The following FOS variants were observed in gnomAD, a reference collection of about 807,000 sequenced individuals.
The protein encoded by FOS is protein c-Fos.
In FOS, 9 loss-of-function variants were observed where a neutral mutation model predicts 27.2. The observed-to-expected ratio is 0.33, with a 90% CI of 0.20 to 0.58. FOS has a LOEUF of 0.58. FOS is among the 20% of genes least tolerant of loss of function. The probability of loss-of-function intolerance (pLI) is 0.87; values close to 1 mark genes in which losing one functional copy is unlikely to be tolerated. For missense variants in FOS, 405 were observed against 483.5 expected, an observed-to-expected ratio of 0.84 and a Z score of 1.52; for synonymous variants, 213 against 205.1, an observed-to-expected ratio of 1.04 and a Z score of -0.33.
chr14:75,279,067 T>C lies in FOS; in HGVS notation c.85T>C (p.Tyr29His), dbSNP rs1297123496. The change falls in exon 1 of 4, where the codon TAC becomes CAC. Residue 29 changes from tyrosine to histidine, a missense_variant. Physicochemically the swap from Tyr to His is moderately conservative, Grantham distance 83. Transcript: ENST00000303562. The surrounding 1 kb of genome is among the most constrained non-coding windows in gnomAD (Gnocchi z 5.4). ...SASPAGDSLS[Y>H]YHSPADSFSS... is the part of the protein sequence containing the mutation. ...GTCCCCGGCCGGGGATAGCCTCTCT[T>C]ACTACCACTCACCCGCAGACTCCTT... is the stretch of plus-strand genomic sequence containing the variant. The C allele has an allele frequency of 5.0e-6, 8 of 1,613,682 alleles. No individual in the cohort carries two copies. The highest frequency in any genetic ancestry group is 6.8e-6 in the Non-Finnish European group (8 of 1,179,910).
intron 2 of FOS, 192 bp downstream of exon 2, chr14:75,280,320 T>A (rs927535848): frequency 5.4e-5 from 41 of 753,504 alleles, no homozygotes; most frequent in Non-Finnish European, 9.0e-5. Flanking sequence ...AGTACTCTCA[T>A]AGTTTCTTCC....
Position 75,281,030 on chromosome 14 carries a change from A to G in FOS, c.749A>G (p.Lys250Arg). ...CCTCTCCTCAATGACCCTGAGCCCA[A>G]GCCCTCAGTGGAACCTGTCAAGAGC... is the stretch of plus-strand genomic sequence containing the variant. ...TLPLLNDPEP[K>R]PSVEPVKSIS... The change falls in exon 4 of 4, where the codon AAG becomes AGG. Residue 250 changes from lysine to arginine, a missense_variant. By Grantham distance (26) the Lys-to-Arg change is conservative. Transcript: ENST00000303562. The surrounding 1 kb of genome is among the most constrained non-coding windows in gnomAD (Gnocchi z 4.7). 1.2e-6 allele frequency: 2 copies of G among 1,613,848 alleles called. No homozygotes were observed. The highest frequency in any genetic ancestry group is 8.5e-7 in the Non-Finnish European group (1 of 1,180,022).
rs1252945968 is a variant in FOS at position 75,279,623 on chromosome 14, A to T, written c.142-254A>T. 1 of 547,220 alleles carries T rather than the reference A, an allele frequency of 1.8e-6. No homozygotes were observed. 33.9% of individuals were successfully genotyped at this position (547,220 alleles called of 1,614,324 possible). ...CGCAGACGTCAGGGATATTTATAAC[A>T]AACCCCCTTTCAAGCAAGTGATGCT... On this transcript the variant is annotated intron_variant, in intron 1 of 3. Transcript: ENST00000303562. This position sits in a 1 kb window ranked among gnomAD's most constrained non-coding sequence, Gnocchi z 5.4.
chr14:75,279,159 C>T lies in FOS; in HGVS notation c.141+36C>T, dbSNP rs773448105. 2 of 1,608,640 alleles carry T rather than the reference C, an allele frequency of 1.2e-6. No homozygotes were observed. Among genetic ancestry groups the T allele is most frequent in the South Asian group, 1.1e-5 (1 of 91,058 alleles). On this transcript the variant is annotated intron_variant, in intron 1 of 3. Coordinates refer to ENST00000303562, the MANE Select transcript of FOS (RefSeq NM_005252.4). This position sits in a 1 kb window ranked among gnomAD's most constrained non-coding sequence, Gnocchi z 5.4. ...CTTCCCGTCGCCGCGGGGCCGGGGG[C>T]TTGGGGTCGCGGAGGAGGAGACACC...
intron 2 of FOS, 115 bp downstream of exon 2, chr14:75,280,243 C>G (rs748692691): frequency 6.0e-5 from 86 of 1,422,862 alleles, no homozygotes; most frequent in Non-Finnish European, 8.0e-5. Context: ...GGCTGCACAT[C>G]CGTAACTGGG....
Position 75,279,617 on chromosome 14 carries a change from T to G in FOS, c.142-260T>G. 1.8e-6 allele frequency: 1 copy of G among 541,514 alleles called. No homozygotes were observed. The highest frequency in any genetic ancestry group is 3.3e-6 in the Non-Finnish European group (1 of 305,492). 33.5% of individuals were successfully genotyped at this position (541,514 alleles called of 1,614,324 possible). A position where few individuals can be genotyped will look rare whatever the true frequency, so the allele number is the denominator to read the frequency against. On this transcript the variant is annotated intron_variant, in intron 1 of 3. Transcript: ENST00000303562. This position sits in a 1 kb window ranked among gnomAD's most constrained non-coding sequence, Gnocchi z 5.4. ...CGTCAGCGCAGACGTCAGGGATATT[T>G]ATAACAAACCCCCTTTCAAGCAAGT...
chr14:75,279,745 A>G lies in FOS; in HGVS notation c.142-132A>G. On this transcript the variant is annotated intron_variant, in intron 1 of 3. Coordinates refer to ENST00000303562, the MANE Select transcript of FOS (RefSeq NM_005252.4). This position sits in a 1 kb window ranked among gnomAD's most constrained non-coding sequence, Gnocchi z 5.4. ...AGGGGGAGACCTTTCATCCAGGATG[A>G]GGGACATTTAAGATGAAATGTCCGT... is the stretch of plus-strand genomic sequence containing the variant. 9.4e-7 allele frequency: 1 copy of G among 1,064,212 alleles called. No individual in the cohort carries two copies. The highest frequency in any genetic ancestry group is 1.4e-6 in the Non-Finnish European group (1 of 729,140). 65.9% of individuals were successfully genotyped at this position (1,064,212 alleles called of 1,614,324 possible). A position where few individuals can be genotyped will look rare whatever the true frequency, so the allele number is the denominator to read the frequency against.
In FOS at chr14:75,279,434, G is replaced by C. The variant is rs964438349; in HGVS notation, c.141+311G>C. On this transcript the variant is annotated intron_variant, in intron 1 of 3. Transcript: ENST00000303562. The surrounding 1 kb of genome is among the most constrained non-coding windows in gnomAD (Gnocchi z 5.4). ...AGCACAAACTCGCTAACTAGAGCCTGGCTTCTCCGGGGAGGTGGCAGAAAG... is the reference window on the plus strand; with the variant it reads ...AGCACAAACTCGCTAACTAGAGCCTCGCTTCTCCGGGGAGGTGGCAGAAAG... 11 of 469,236 alleles carry C rather than the reference G, an allele frequency of 2.3e-5. No individual in the cohort carries two copies. In the East Asian group the frequency reaches 3.0e-4, roughly 13 times the overall value. 29.1% of individuals were successfully genotyped at this position (469,236 alleles called of 1,614,324 possible).
Position 75,280,893 on chromosome 14 carries a change from C to T in FOS, c.612C>T (p.Cys204=). 1 of 1,614,186 alleles carries T rather than the reference C, an allele frequency of 6.2e-7. No homozygotes were observed. The highest frequency in any genetic ancestry group is 8.5e-7 in the Non-Finnish European group (1 of 1,180,026). ...EFILAAHRPA[C]KIPDDLGFPE... ...TCCTGGCAGCTCACCGACCTGCCTG[C>T]AAGATCCCTGATGACCTGGGCTTCC... Residue 204 remains cysteine, a synonymous_variant, in exon 4 of 4, where the codon TGC becomes TGT. Coordinates refer to ENST00000303562, the MANE Select transcript of FOS (RefSeq NM_005252.4).
chr14:75,279,917 T>C lies in FOS; in HGVS notation c.182T>C (p.Ile61Thr). 6.2e-7 allele frequency: 1 copy of C among 1,613,478 alleles called. No homozygotes were observed. Among genetic ancestry groups the C allele is most frequent in the Non-Finnish European group, 8.5e-7 (1 of 1,179,586 alleles). The change falls in exon 2 of 4, where the codon ATT (isoleucine) becomes ACT (threonine). Residue 61 changes from isoleucine (I) to threonine (T), a missense_variant. Coordinates refer to ENST00000303562, the MANE Select transcript of FOS (RefSeq NM_005252.4). This position sits in a 1 kb window ranked among gnomAD's most constrained non-coding sequence, Gnocchi z 5.4. The part of the protein sequence containing the change: ...TDLAVSSANF[I>T]PTVTAISTSP... ...CTGGCCGTCTCCAGTGCCAACTTCA[T>C]TCCCACGGTCACTGCCATCTCGACC...
chr14:75,282,072 A>G lies in FOS; in HGVS notation c.*648A>G, dbSNP rs1226539505. 6.6e-6 allele frequency: 1 copy of G among 152,466 alleles called. No homozygotes were observed. Among genetic ancestry groups the G allele is most frequent in the Admixed American group, 6.5e-5 (1 of 15,280 alleles). 9.4% of individuals were successfully genotyped at this position (152,466 alleles called of 1,614,324 possible). ...AAACGTTTTATTGTGTTTTTAATTT[A>G]TTTATTAAGATGGATTCTCAGATAT... On this transcript the variant is annotated 3_prime_UTR_variant, in exon 4 of 4. Transcript: ENST00000303562.
chr14:75,281,484 T>C lies in FOS; in HGVS notation c.*60T>C. 1.9e-6 allele frequency: 3 copies of C among 1,548,302 alleles called. No individual in the cohort carries two copies. Among genetic ancestry groups the C allele is most frequent in the Non-Finnish European group, 2.6e-6 (3 of 1,144,512 alleles). The stretch of plus-strand genomic sequence containing the variant: ...AGTGCCACTGCCCGAGCTGGTGCAT[T>C]ACAGAGAGGAGAAACACATCTTCCC... On this transcript the variant is annotated 3_prime_UTR_variant, in exon 4 of 4. Transcript: ENST00000303562. This position sits in a 1 kb window ranked among gnomAD's most constrained non-coding sequence, Gnocchi z 4.7.
In FOS at chr14:75,280,107, C is replaced by T; in HGVS notation, c.372C>T (p.Gly124=). The stretch of plus-strand genomic sequence containing the variant: ...CAGGAGGCCGAGCGCAGAGCATTGG[C>T]AGGAGGGGCAAGGTGGAACAGGTGA... ...TMTGGRAQSI[G]RRGKVEQLSP... is the part of the protein sequence containing the mutation. The change falls in exon 2 of 4, where the codon GGC becomes GGT. Residue 124 remains glycine (G), a synonymous_variant. Coordinates refer to ENST00000303562, the MANE Select transcript of FOS (RefSeq NM_005252.4). The T allele has an allele frequency of 6.2e-7, 1 of 1,613,922 alleles. No homozygotes were observed. Among genetic ancestry groups the T allele is most frequent in the Non-Finnish European group, 8.5e-7 (1 of 1,180,014 alleles).
At position 75,279,525 on chromosome 14, in the gene FOS, G is replaced by A. The variant is rs1897202197; in HGVS notation, c.142-352G>A. The A allele has an allele frequency of 2.0e-5, 9 of 441,726 alleles. No individual in the cohort carries two copies. The highest frequency in any genetic ancestry group is 7.8e-5 in the South Asian group (3 of 38,308). 27.4% of individuals were successfully genotyped at this position (441,726 alleles called of 1,614,324 possible). On this transcript the variant is annotated intron_variant, in intron 1 of 3. Transcript: ENST00000303562. This position sits in a 1 kb window ranked among gnomAD's most constrained non-coding sequence, Gnocchi z 5.4. The stretch of plus-strand genomic sequence containing the variant: ...GGGATGAGGGAGGAGGGTGCAGCGG[G>A]CGGGTGTGTAAGGCAGTTTCATTGA...
chr14:75,280,694 T>C, intron 3 of FOS, 27 bp downstream of exon 3: 4 of 1,527,458 alleles, frequency 2.6e-6, no homozygotes, highest in Non-Finnish European at 2.6e-6. Flanking sequence ...TTGCTCCTTT[T>C]TAAAACTTAA....
chr14:75,280,930 T>A lies in FOS; in HGVS notation c.649T>A (p.Ser217Thr). ...PDDLGFPEEMSVASLDLTGGL... is the reference protein window; with the variant it reads ...PDDLGFPEEMTVASLDLTGGL... ...TGACCTGGGCTTCCCAGAAGAGATG[T>A]CTGTGGCTTCCCTTGATCTGACTGG... The change falls in exon 4 of 4, where the codon TCT becomes ACT. Residue 217 changes from serine to threonine, a missense_variant. Physicochemically the swap from Ser to Thr is moderately conservative, Grantham distance 58 (BLOSUM62 1). Coordinates refer to ENST00000303562, the MANE Select transcript of FOS (RefSeq NM_005252.4). The A allele has an allele frequency of 6.2e-7, 1 of 1,614,172 alleles. No homozygotes were observed. The highest frequency in any genetic ancestry group is 8.5e-7 in the Non-Finnish European group (1 of 1,180,020).
intron 2 of FOS, 63 bp downstream of exon 2, chr14:75,280,191 A>T: frequency 6.2e-7 from 1 of 1,608,068 alleles, no homozygotes; most frequent in African/African-American, 1.3e-5. Context: ...AGCCCCGGAG[A>T]TGCAGGAGCC....
rs1566701144 is a variant in FOS at position 75,281,762 on chromosome 14, C to T, written c.*338C>T. On this transcript the variant is annotated 3_prime_UTR_variant, in exon 4 of 4. Transcript: ENST00000303562. The surrounding 1 kb of genome is among the most constrained non-coding windows in gnomAD (Gnocchi z 4.7). ...TAGTCTTCTCATAGCATTAACTAAT[C>T]TATTGGGTTCATTATTGGAATTAAC... 1 of 304,046 alleles carries T rather than the reference C, an allele frequency of 3.3e-6. No individual in the cohort carries two copies. Among genetic ancestry groups the T allele is most frequent in the Non-Finnish European group, 6.3e-6 (1 of 159,884 alleles). 18.8% of individuals were successfully genotyped at this position (304,046 alleles called of 1,614,324 possible).
At chr14:75,280,474 C>A in intron 2 of FOS, 86 bp from the exon 3 acceptor site, 2 of 1,066,984 alleles carry the variant, frequency 1.9e-6, no homozygotes, top group Non-Finnish European at 2.8e-6. Flanking sequence ...AGGGAAGCTG[C>A]AGGAGCCAGT....
Sources: allele counts gnomAD v4.1 joint callset, GRCh38; gene constraint gnomAD v4.1.1; non-coding constraint Gnocchi (gnomAD v3.1); transcripts MANE v1.5; gene names NCBI Gene and HGNC (gene_info 2026-07-23, HGNC 2026-07-21).